Variants in PAK6 observed in about 807,000 individuals in gnomAD.
PAK6 encodes p21 (RAC1) activated kinase 6.
Under a neutral mutation model 60.8 loss-of-function variants are expected in PAK6, and 33 were observed. That is an observed-to-expected ratio of 0.54 (90% confidence interval 0.41 to 0.73). The LOEUF (loss-of-function observed/expected upper bound fraction) is 0.73, where lower values mean the gene tolerates loss of function less well. Among genes scored for constraint, PAK6 ranks in the 30% least tolerant of loss-of-function variants. The pLI is 0.00. For synonymous variants in PAK6, 404 were observed against 378.5 expected, an observed-to-expected ratio of 1.07 and a Z score of -0.78; for missense variants, 845 against 904.1, an observed-to-expected ratio of 0.93 and a Z score of 0.84.
At position 40,253,032 on chromosome 15, in the gene PAK6, C is replaced by A. The variant is rs1325401136; in HGVS notation, c.-117-146C>A. On this transcript the variant is annotated intron_variant, in intron 2 of 10. Coordinates refer to ENST00000560346, the Ensembl canonical transcript of PAK6. The stretch of plus-strand genomic sequence containing the variant: ...TTCTCCCCGTAAGCCCCGCAAGGAG[C>A]CTGCCGCCTCTTGCACCTGAGCCAG... The A allele has an allele frequency of 2.0e-5, 8 of 396,406 alleles. No individual in the cohort carries two copies. In the Admixed American group the frequency reaches 2.8e-4, roughly 14 times the overall value. 24.6% of individuals were successfully genotyped at this position (396,406 alleles called of 1,614,324 possible). A position where few individuals can be genotyped will look rare whatever the true frequency, so the allele number is the denominator to read the frequency against.
In PAK6 at chr15:40,273,284, C is replaced by T. The variant is rs540441458; in HGVS notation, c.1491-62C>T. 4.2e-5 allele frequency: 66 copies of T among 1,578,822 alleles called. 1 individual carries two copies. The South Asian group carries it at 7.6e-4, about 18-fold the overall frequency. ...ACCAGGGACTCCTACTCTGCTCAGCCACCCCACGACCTGCCAGAGCTAACG... is the reference window on the plus strand; with the variant it reads ...ACCAGGGACTCCTACTCTGCTCAGCTACCCCACGACCTGCCAGAGCTAACG... On this transcript the variant is annotated intron_variant, in intron 7 of 10. Transcript: ENST00000560346.
intron 3 of PAK6, among the ~76,000 whole-genome samples, chr15:40,258,269 G>T (rs185228220): frequency 8.8e-4 from 134 of 152,304 alleles, no homozygotes; most frequent in African/African-American, 3.1e-3. Flanking sequence ...CGCACATCTT[G>T]CCCGTTTCTG....
rs1212005522 is a variant in PAK6, at chr15:40,253,306, C to G, written c.-6+17C>G. 1 of 454,384 alleles carries G rather than the reference C, an allele frequency of 2.2e-6. No homozygotes were observed. The highest frequency in any genetic ancestry group is 4.4e-6 in the Non-Finnish European group (1 of 226,398). The allele number at this position is 454,384 out of a possible 1,614,324, so 28.1% of individuals were successfully genotyped here. On this transcript the variant is annotated intron_variant, in intron 3 of 10. Transcript: ENST00000560346. ...CGCCGGAAGGTGAGTGAGCGAGCGG[C>G]CCCCGGCCCTAGAGCCTTCTGCACC...
chr15:40,264,261 C>G (rs2039059669), intron 3 of PAK6, among the ~76,000 whole-genome samples: 1 of 151,844 alleles, frequency 6.6e-6, no homozygotes, highest in Non-Finnish European at 1.5e-5. Context: ...CTTTAATATA[C>G]TGTTGGATTC....
chr15:40,241,879 A>AG (rs1207988177), intron 2 of PAK6, among the ~76,000 whole-genome samples: 1 of 152,202 alleles, frequency 6.6e-6, no homozygotes, highest in Non-Finnish European at 1.5e-5. Context: ...GGAACCCATA[A>AG]GTGTCTCTCA....
intron 3 of PAK6, among the ~76,000 whole-genome samples, chr15:40,256,317 C>T (rs1478471649): frequency 1.3e-5 from 2 of 152,184 alleles, no homozygotes; most frequent in African/African-American, 4.8e-5. Flanking sequence ...GAAAGGCTGT[C>T]TTCTGTTCGC....
Position 40,272,424 on chromosome 15 carries a change from C to CA in PAK6, c.1060dup (p.Thr354AsnfsTer27), listed in dbSNP as rs1346115933. 1 of 1,613,636 alleles carries CA rather than the reference C, an allele frequency of 6.2e-7. No individual in the cohort carries two copies. The highest frequency in any genetic ancestry group is 1.1e-5 in the South Asian group (1 of 91,082). On this transcript the variant is annotated frameshift_variant, in exon 6 of 11. Transcript: ENST00000560346. LOFTEE classifies it high-confidence loss of function. ...GGTCTTCCCCAGCGGGATCCCCCCG[C>CA]ACCTGGCACGCCCAGATCAGCACCA...
chr15:40,268,761 GT>G (rs910020021), intron 5 of PAK6, among the ~76,000 whole-genome samples: 70 of 152,342 alleles, frequency 4.6e-4, no homozygotes, highest in African/African-American at 1.3e-3. Context: ...AGGCAAGACA[GT>G]TTTTTAGGAG....
At position 40,249,155 on chromosome 15, in the gene PAK6, C is replaced by T. The variant is rs112420857; in HGVS notation, c.-117-4023C>T. Among the ~76,000 whole-genome samples the T allele has an allele frequency of 3.2e-3, 489 of 152,258 alleles. 2 individuals are homozygous for T. The highest frequency in any genetic ancestry group is 7.5e-3 in the Admixed American group (115 of 15,296). Reference sequence around the variant, plus strand: ...ACATGATGGAAAGGGCCAGGGATCTCTCTGGGGGCCTCTTTCATAAAGGCA... The same window carrying T: ...ACATGATGGAAAGGGCCAGGGATCTTTCTGGGGGCCTCTTTCATAAAGGCA... On this transcript the variant is annotated intron_variant, in intron 2 of 10. Transcript: ENST00000560346.
chr15:40,262,588 G>A (rs2039012434), intron 3 of PAK6, among the ~76,000 whole-genome samples: 1 of 152,178 alleles, frequency 6.6e-6, no homozygotes, highest in African/African-American at 2.4e-5. Flanking sequence ...AAACCATGAT[G>A]TATATATGGC....
In PAK6 at chr15:40,265,886, G is replaced by A. The variant is rs2016902; in HGVS notation, c.249G>A (p.Ser83=). ...CGATGCCTGTGGATGGCTACATCTCGGGGCTGCTCAACGACATCCAGAAGT... is the reference window on the plus strand; with the variant it reads ...CGATGCCTGTGGATGGCTACATCTCAGGGCTGCTCAACGACATCCAGAAGT... The change falls in exon 5 of 11, where the codon TCG becomes TCA. Residue 83 remains serine (S), a synonymous_variant. Transcript: ENST00000560346. 47,699 of 1,571,324 alleles carry A rather than the reference G, an allele frequency of 0.03. 6,124 individuals are homozygous for A. In the East Asian group the frequency reaches 0.45, roughly 15 times the overall value.
chr15:40,252,159 C>A, intron 2 of PAK6: 1 of 679,796 alleles, frequency 1.5e-6, no homozygotes, highest in Non-Finnish European at 2.1e-6. Context: ...TTCCGACTCC[C>A]GCGTGGGCTC....
At chr15:40,262,913 T>C (rs769781682) in intron 3 of PAK6, among the ~76,000 whole-genome samples, 2 of 152,214 alleles carry the variant, frequency 1.3e-5, no homozygotes, top group African/African-American at 2.4e-5. Context: ...CTACAACTCA[T>C]CTGCAACTCA....
rs574421705 is a variant in PAK6, at chr15:40,274,813, C to T, written c.1878+537C>T. 3.9e-5 allele frequency among the ~76,000 whole-genome samples: 6 copies of T among 152,268 alleles called. No individual in the cohort carries two copies. In the East Asian group the frequency reaches 5.8e-4, roughly 15 times the overall value. The stretch of plus-strand genomic sequence containing the variant: ...ATACATGTAACCCTTTTTGCCAAAT[C>T]GGCCCCAACCCCGCAGGCCTTACTG... On this transcript the variant is annotated intron_variant, in intron 10 of 10. Coordinates refer to ENST00000560346, the Ensembl canonical transcript of PAK6.
chr15:40,245,998 C>T (rs974235042), intron 2 of PAK6: 2 of 152,332 alleles, frequency 1.3e-5, no homozygotes, highest in African/African-American at 4.8e-5. Flanking sequence ...TCTGCTAGAC[C>T]TGAAACCACA....
chr15:40,273,084 C>T, intron 7 of PAK6, 85 bp downstream of exon 7: 1 of 1,531,818 alleles, frequency 6.5e-7, no homozygotes, highest in East Asian at 2.3e-5. Flanking sequence ...TGCCTGTGGC[C>T]CAGAAGACTT....
intron 2 of PAK6, chr15:40,250,719 C>T (rs1365893150): frequency 6.6e-6 from 1 of 152,212 alleles, no homozygotes; most frequent in Admixed American, 6.5e-5. Flanking sequence ...AAAAGTACTG[C>T]TTGGAGCTGT....
chr15:40,274,033 C>G, intron 9 of PAK6, 109 bp from the exon 10 acceptor site: 2 of 1,333,364 alleles, frequency 1.5e-6, no homozygotes, highest in Non-Finnish European at 2.1e-6. Context: ...ACAGACCCAC[C>G]AAGGAGAGCT....
intron 2 of PAK6, among the ~76,000 whole-genome samples, chr15:40,250,380 T>G (rs1303346623): frequency 6.6e-6 from 1 of 152,234 alleles, no homozygotes; most frequent in African/African-American, 2.4e-5. Context: ...GGCGTTGTGA[T>G]GGACCTGAGG....
Sources: allele counts gnomAD v4.1 joint callset (sites outside exome capture counted in the v4.1 genomes callset), GRCh38; gene constraint gnomAD v4.1.1; transcripts MANE v1.5; gene names NCBI Gene and HGNC (gene_info 2026-07-23, HGNC 2026-07-21).